The following KCNQ5 variants were observed in gnomAD, a reference collection of about 807,000 sequenced individuals.
KCNQ5 encodes potassium voltage-gated channel subfamily KQT member 5.
A neutral mutation model predicts 98.2 loss-of-function variants in KCNQ5; 30 were observed. That is an observed-to-expected ratio of 0.31 (90% CI 0.23 to 0.41). KCNQ5 has a LOEUF of 0.41. Ranked by LOEUF, KCNQ5 falls within the 10% of genes least tolerant of loss-of-function variation. The pLI is 1.00. For missense variants in KCNQ5, 835 were observed against 1,182.5 expected (o/e 0.71, Z 4.31); for synonymous variants, 458 against 449.4 (o/e 1.02, Z -0.24).
intron 1 of KCNQ5, among the ~76,000 whole-genome samples, chr6:72,714,150 C>T (rs1233352608): frequency 6.6e-6 from 1 of 152,208 alleles, no homozygotes; most frequent in African/African-American, 2.4e-5. Context: ...AACATAGAGA[C>T]ATATGTTCCT....
At chr6:72,771,879 A>G (rs1171080592) in intron 1 of KCNQ5, among the ~76,000 whole-genome samples, 3 of 152,038 alleles carry the variant, frequency 2.0e-5, no homozygotes, top group Admixed American at 2.0e-4. Flanking sequence ...GATGCAATCT[A>G]TGGTTGGGTT....
intron 3 of KCNQ5, chr6:73,055,164 G>A (rs1486227751): frequency 1.2e-6 from 1 of 818,896 alleles, no homozygotes; most frequent in African/African-American, 1.7e-5. Flanking sequence ...AACCACTTCA[G>A]CGGCTGGTAC....
At chr6:73,111,890 G>T (rs1775256396) in intron 7 of KCNQ5, among the ~76,000 whole-genome samples, 1 of 152,186 alleles carries the variant, frequency 6.6e-6, no homozygotes, top group Admixed American at 6.5e-5. Flanking sequence ...AGGGCAGTTA[G>T]CGGAAATAGC....
chr6:72,835,220 C>T (rs976571034), intron 1 of KCNQ5, among the ~76,000 whole-genome samples: 1 of 152,066 alleles, frequency 6.6e-6, no homozygotes, highest in Non-Finnish European at 1.5e-5. Context: ...GTGGTCTTTC[C>T]TGCCAATCTT....
chr6:73,194,252 T>A (rs1270059922), intron 13 of KCNQ5, among the ~76,000 whole-genome samples, 200 bp from the exon 14 acceptor site: 5 of 152,166 alleles, frequency 3.3e-5, no homozygotes, highest in Non-Finnish European at 5.9e-5. Flanking sequence ...AGCCAAAGTG[T>A]CCCTCTCTTC....
At chr6:73,120,123 G>GTA (rs898822718) in intron 7 of KCNQ5, among the ~76,000 whole-genome samples, 34 of 151,202 alleles carry the variant, frequency 2.2e-4, no homozygotes, top group African/African-American at 8.2e-4. Flanking sequence ...GTGGGCACCT[G>GTA]TAGTCCCAGC....
Position 73,063,667 on chromosome 6 carries a change from T to TGATAGATAGATAGATAGATA in KCNQ5, c.617-13636_617-13635insAGATAGATAGATAGATAGAT, listed in dbSNP as rs1554203587. On this transcript the variant is annotated intron_variant, in intron 3 of 13. Transcript: ENST00000370398. ...TACAGATAGATGATAGATAGATAGA[T>TGATAGATAGATAGATAGATA]GATAGATAGATAGATAGATGATAGA... is the stretch of plus-strand genomic sequence containing the variant. 1.9e-3 allele frequency among the ~76,000 whole-genome samples: 123 copies of TGATAGATAGATAGATAGATA among 64,476 alleles called. 6 individuals carry two copies. The highest frequency in any genetic ancestry group is 4.1e-3 in the African/African-American group (86 of 20,898). The allele number at this position is 64,476 out of a possible 152,430, so 42.3% of individuals were successfully genotyped here. A position where few individuals can be genotyped will look rare whatever the true frequency, so the allele number is the denominator to read the frequency against.
intron 1 of KCNQ5, among the ~76,000 whole-genome samples, chr6:72,750,604 A>C (rs964262664): frequency 3.4e-5 from 5 of 146,752 alleles, no homozygotes; most frequent in Non-Finnish European, 7.7e-5. Context: ...CACTTGATTA[A>C]AAAGGTGACA....
intron 2 of KCNQ5, among the ~76,000 whole-genome samples, chr6:73,022,256 C>G (rs1232757651): frequency 1.3e-5 from 2 of 152,118 alleles, no homozygotes; most frequent in Admixed American, 1.3e-4. Flanking sequence ...CCTAGTCAAA[C>G]TAAAACATAG....
intron 1 of KCNQ5, among the ~76,000 whole-genome samples, chr6:72,990,018 C>G (rs1769008870): frequency 2.3e-5 from 1 of 42,622 alleles, no homozygotes; most frequent in Non-Finnish European, 4.9e-5. Context: ...TGATCTATAT[C>G]TCTGTTTTGG....
chr6:72,731,123 A>G (rs754365465), intron 1 of KCNQ5, among the ~76,000 whole-genome samples: 31 of 152,216 alleles, frequency 2.0e-4, no homozygotes, highest in Non-Finnish European at 4.0e-4. Context: ...CCAAATTCCC[A>G]CAGATTAGAA....
chr6:72,789,214 G>C (rs1582292780), intron 1 of KCNQ5, among the ~76,000 whole-genome samples: 1 of 152,248 alleles, frequency 6.6e-6, no homozygotes, highest in Non-Finnish European at 1.5e-5. Context: ...ATGGAGGGCA[G>C]TGGCATAAAC....
In KCNQ5 at chr6:73,162,986, C is replaced by T. The variant is rs553620108; in HGVS notation, c.1469-6760C>T. Reference sequence around the variant, plus strand: ...GTGCCCTGTCCATGGCTGTTAGCTGCCTTGTGCCCTCTGCTGCCAGGATGG... The same window carrying T: ...GTGCCCTGTCCATGGCTGTTAGCTGTCTTGTGCCCTCTGCTGCCAGGATGG... On this transcript the variant is annotated intron_variant, in intron 10 of 13. Transcript: ENST00000370398. Among the ~76,000 whole-genome samples, 17 of 152,274 alleles carry T rather than the reference C, an allele frequency of 1.1e-4. 1 individual carries two copies. The South Asian group carries it at 3.5e-3, about 32-fold the overall frequency.
chr6:72,812,238 C>A (rs528688366), intron 1 of KCNQ5, among the ~76,000 whole-genome samples: 2 of 152,196 alleles, frequency 1.3e-5, no homozygotes, highest in East Asian at 3.9e-4. Context: ...CTAGTCCTGC[C>A]GACCTCCTGT....
chr6:72,997,402 C>T (rs563067407), intron 1 of KCNQ5, among the ~76,000 whole-genome samples: 2 of 152,082 alleles, frequency 1.3e-5, no homozygotes, highest in South Asian at 4.2e-4. Context: ...TTTCCCATAC[C>T]CTCCAATTTC....
chr6:72,726,507 C>G (rs1222238218), intron 1 of KCNQ5, among the ~76,000 whole-genome samples: 1 of 152,120 alleles, frequency 6.6e-6, no homozygotes, highest in Non-Finnish European at 1.5e-5. Context: ...GCCACCACGC[C>G]CAGCCAAAAA....
At chr6:72,869,703 C>T (rs1258792191) in intron 1 of KCNQ5, among the ~76,000 whole-genome samples, 1 of 150,088 alleles carries the variant, frequency 6.7e-6, no homozygotes, top group African/African-American at 2.4e-5. Context: ...TTTTTAATGA[C>T]AAAAAAAAAT....
intron 10 of KCNQ5, chr6:73,157,935 A>G: frequency 1.3e-6 from 1 of 772,674 alleles, no homozygotes; most frequent in South Asian, 1.3e-5. Flanking sequence ...AGATCACAAA[A>G]CAGGCTGTCT....
At chr6:72,801,329 A>G (rs1038791113) in intron 1 of KCNQ5, among the ~76,000 whole-genome samples, 2 of 143,120 alleles carry the variant, frequency 1.4e-5, no homozygotes, top group Admixed American at 7.0e-5. Flanking sequence ...GTGCATATAT[A>G]TTTAGGATAG....
Sources: gnomAD v4.1 joint callset for allele counts (sites outside exome capture counted in the v4.1 genomes callset) on GRCh38, gnomAD v4.1.1 for gene constraint, MANE v1.5 for transcripts, NCBI Gene and HGNC (gene_info 2026-07-23, HGNC 2026-07-21) for gene names.